Variants in GPR158 observed in about 807,000 individuals in gnomAD.
GPR158 encodes metabotropic glycine receptor.
A neutral mutation model predicts 78.2 loss-of-function variants in GPR158; 30 were observed. The ratio of observed to expected loss-of-function variants is 0.38; its 90% CI spans 0.29 to 0.52. The LOEUF is 0.52. Among genes scored for constraint, GPR158 ranks in the 20% least tolerant of loss-of-function variants. The pLI is 0.83. For synonymous variants in GPR158, 581 were observed against 591.1 expected (o/e 0.98, Z 0.25); for missense variants, 1,463 against 1,523.5 (o/e 0.96, Z 0.66).
At chr10:25,584,195 A>G (rs1393536012) in intron 7 of GPR158, among the ~76,000 whole-genome samples, 1 of 152,182 alleles carries the variant, frequency 6.6e-6, no homozygotes, top group Non-Finnish European at 1.5e-5. Flanking sequence ...ATTTAACACC[A>G]GAAATTATTT....
intron 2 of GPR158, among the ~76,000 whole-genome samples, chr10:25,263,511 G>A (rs1313153089): frequency 6.6e-6 from 1 of 152,052 alleles, no homozygotes; most frequent in Non-Finnish European, 1.5e-5. Flanking sequence ...TTGTTAATAT[G>A]TTTAGTTTCT....
chr10:25,192,470 T>C (rs1481494680), intron 1 of GPR158, among the ~76,000 whole-genome samples: 2 of 151,962 alleles, frequency 1.3e-5, no homozygotes, highest in Non-Finnish European at 1.5e-5. Flanking sequence ...GGAGGAGGGG[T>C]TTTGGGATCA....
At chr10:25,218,161 A>G (rs915764734) in intron 1 of GPR158, among the ~76,000 whole-genome samples, 9 of 151,834 alleles carry the variant, frequency 5.9e-5, no homozygotes, top group African/African-American at 1.9e-4. Flanking sequence ...CCCGACAGGA[A>G]GTCTACAGCG....
At chr10:25,245,467 AT>A (rs1853676645) in intron 2 of GPR158, among the ~76,000 whole-genome samples, 1 of 152,142 alleles carries the variant, frequency 6.6e-6, no homozygotes, top group Non-Finnish European at 1.5e-5. Flanking sequence ...CTGTTTGTCT[AT>A]TTTTGGAATA....
chr10:25,308,767 T>C (rs1397564721), intron 2 of GPR158, among the ~76,000 whole-genome samples: 1 of 152,138 alleles, frequency 6.6e-6, no homozygotes, highest in Non-Finnish European at 1.5e-5. Context: ...GTCTCTATGA[T>C]TTTGACTGCT....
At chr10:25,373,323 A>G (rs1473556462) in intron 2 of GPR158, among the ~76,000 whole-genome samples, 2 of 151,964 alleles carry the variant, frequency 1.3e-5, no homozygotes, top group Non-Finnish European at 2.9e-5. Context: ...GATCAGAGAA[A>G]AAAAAACTGT....
intron 2 of GPR158, among the ~76,000 whole-genome samples, chr10:25,245,516 T>C (rs996575374): frequency 6.6e-6 from 1 of 152,192 alleles, no homozygotes; most frequent in African/African-American, 2.4e-5. Flanking sequence ...TCTAGTTCTG[T>C]TGTGTATGAG....
At chr10:25,521,594 T>A (rs968948630) in intron 5 of GPR158, among the ~76,000 whole-genome samples, 5 of 152,200 alleles carry the variant, frequency 3.3e-5, no homozygotes, top group Non-Finnish European at 5.9e-5. Context: ...TTGGGGGCAT[T>A]AAAGAACCTT....
At chr10:25,594,533 C>T (rs907415256) in intron 9 of GPR158, 136 bp downstream of exon 9, 1 of 474,046 alleles carries the variant, frequency 2.1e-6, no homozygotes, top group African/African-American at 2.0e-5. Flanking sequence ...CCTCAGGAAA[C>T]TGGCTGTTTT....
At chr10:25,413,603 TAGATTAC>T (rs1157854741) in intron 4 of GPR158, among the ~76,000 whole-genome samples, 2 of 152,210 alleles carry the variant, frequency 1.3e-5, no homozygotes, top group Non-Finnish European at 2.9e-5. Flanking sequence ...CAGATTGGTT[TAGATTAC>T]AGAGCTCATT....
chr10:25,224,012 A>G (rs1853337885), intron 2 of GPR158, among the ~76,000 whole-genome samples: 1 of 152,198 alleles, frequency 6.6e-6, no homozygotes, highest in African/African-American at 2.4e-5. Context: ...ATATGGAACC[A>G]ATGACAAAAG....
intron 1 of GPR158, among the ~76,000 whole-genome samples, chr10:25,210,760 T>G (rs1307798092): frequency 1.3e-5 from 2 of 152,204 alleles, no homozygotes; most frequent in African/African-American, 4.8e-5. Flanking sequence ...TGACATTATA[T>G]CCTTGTAAAT....
chr10:25,551,817 A>G (rs1227178838), intron 6 of GPR158, among the ~76,000 whole-genome samples: 1 of 152,068 alleles, frequency 6.6e-6, no homozygotes, highest in Non-Finnish European at 1.5e-5. Flanking sequence ...TAAACAATAA[A>G]CTTTCCCTGC....
intron 5 of GPR158, among the ~76,000 whole-genome samples, chr10:25,524,892 G>A (rs927951459): frequency 1.3e-5 from 2 of 151,870 alleles, no homozygotes; most frequent in African/African-American, 2.4e-5. Context: ...GTCTGATAAG[G>A]GACTTATATC....
At chr10:25,401,440 A>G (rs986759508) in intron 3 of GPR158, among the ~76,000 whole-genome samples, 1 of 151,994 alleles carries the variant, frequency 6.6e-6, no homozygotes, top group Admixed American at 6.6e-5. Context: ...ATTTGTAGGG[A>G]CTAATGAAAA....
Position 25,598,110 on chromosome 10 carries a change from G to C in GPR158, c.2484G>C (p.Thr828=), listed in dbSNP as rs1218891774. Residue 828 remains threonine (T), a synonymous_variant, in exon 11 of 11, where the codon ACG becomes ACC. Transcript: ENST00000376351. ...HSTYDHVRDQ[T]EESSSLPTES... Reference sequence around the variant, plus strand: ...CTTATGACCACGTGAGAGACCAAACGGAAGAGTCCAGTAGCCTACCCACAG... The same window carrying C: ...CTTATGACCACGTGAGAGACCAAACCGAAGAGTCCAGTAGCCTACCCACAG... 6.2e-7 allele frequency: 1 copy of C among 1,614,028 alleles called. No homozygotes were observed. Among genetic ancestry groups the C allele is most frequent in the Non-Finnish European group, 8.5e-7 (1 of 1,179,992 alleles).
intron 2 of GPR158, among the ~76,000 whole-genome samples, chr10:25,392,818 C>A (rs572096752): frequency 6.6e-6 from 1 of 151,900 alleles, no homozygotes; most frequent in Admixed American, 6.5e-5. Context: ...ATTTACAATT[C>A]TTCATAAAAA....
At chr10:25,372,892 C>G (rs919993566) in intron 2 of GPR158, among the ~76,000 whole-genome samples, 5 of 151,306 alleles carry the variant, frequency 3.3e-5, no homozygotes, top group African/African-American at 1.2e-4. Context: ...GAAATTAATA[C>G]AAAGAAAAAA....
At chr10:25,371,933 G>A (rs890337133) in intron 2 of GPR158, among the ~76,000 whole-genome samples, 2 of 148,298 alleles carry the variant, frequency 1.3e-5, no homozygotes, top group African/African-American at 5.0e-5. Flanking sequence ...TACTAAATGG[G>A]AGAAAATTTT....
Sources: allele counts gnomAD v4.1 joint callset (sites outside exome capture counted in the v4.1 genomes callset), GRCh38; gene constraint gnomAD v4.1.1; transcripts MANE v1.5; gene names NCBI Gene and HGNC (gene_info 2026-07-23, HGNC 2026-07-21).